The following VAV2 variants were observed in gnomAD, a reference collection of about 807,000 sequenced individuals.
VAV2 encodes the protein vav guanine nucleotide exchange factor 2, also known as guanine nucleotide exchange factor VAV2.
Under a neutral mutation model 132.5 loss-of-function variants are expected in VAV2, and 67 were observed. The observed-to-expected ratio is 0.51, with a 90% CI of 0.42 to 0.62. The LOEUF (loss-of-function observed/expected upper bound fraction) is 0.62. Among genes scored for constraint, VAV2 ranks in the 20% least tolerant of loss-of-function variants. The pLI is 0.00. For missense variants in VAV2, 938 were observed against 1,153.6 expected, an observed-to-expected ratio of 0.81 and a Z score of 2.71; for synonymous variants, 492 against 443.5, an observed-to-expected ratio of 1.11 and a Z score of -1.37.
At chr9:133,815,475 C>G (rs941488242) in intron 4 of VAV2, among the ~76,000 whole-genome samples, 4 of 152,122 alleles carry the variant, frequency 2.6e-5, no homozygotes, top group African/African-American at 9.7e-5. Flanking sequence ...CTTCCCGCCC[C>G]GAGCAACCAC....
intron 4 of VAV2, among the ~76,000 whole-genome samples, chr9:133,820,385 A>G (rs1246124141): frequency 2.7e-5 from 4 of 148,302 alleles, no homozygotes; most frequent in Non-Finnish European, 5.9e-5. Flanking sequence ...GTGCAGTGGC[A>G]CTATCTCGGC....
chr9:133,915,360 G>A (rs995425904), intron 2 of VAV2, among the ~76,000 whole-genome samples: 1 of 152,174 alleles, frequency 6.6e-6, no homozygotes, highest in African/African-American at 2.4e-5. Context: ...ATTTTCAAGG[G>A]GATTCAGCAC....
intron 13 of VAV2, among the ~76,000 whole-genome samples, chr9:133,791,390 T>A (rs1044000989): frequency 1.3e-5 from 2 of 151,506 alleles, no homozygotes; most frequent in Admixed American, 1.3e-4. Context: ...AAGGTGAGGG[T>A]GGGCCAGGGG....
rs1477693600 is a variant in VAV2 at position 133,964,046 on chromosome 9, TATACATATATATACATATATATAA to T, written c.205-24851_205-24828del. 4.7e-4 allele frequency among the ~76,000 whole-genome samples: 41 copies of T among 87,878 alleles called. 4 individuals carry two copies. The highest frequency in any genetic ancestry group is 1.2e-3 in the African/African-American group (31 of 26,746). The allele number at this position is 87,878 out of a possible 152,430, so 57.7% of individuals were successfully genotyped here. A position where few individuals can be genotyped will look rare whatever the true frequency, so the allele number is the denominator to read the frequency against. ...TCATATATATATATATATATATATA[TATACATATATATACATATATATAA>T]ATGAATAGGCCAGGTATGTTGGCTC... On this transcript the variant is annotated intron_variant, in intron 1 of 29. Coordinates refer to ENST00000371850, the MANE Select transcript of VAV2 (RefSeq NM_001134398.2).
chr9:133,840,603 G>T lies in VAV2; in HGVS notation c.381-6263C>A, dbSNP rs116713731. 3.5e-3 allele frequency among the ~76,000 whole-genome samples: 534 copies of T among 152,256 alleles called. 4 individuals are homozygous for T. Among genetic ancestry groups the T allele is most frequent in the African/African-American group, 0.012 (516 of 41,540 alleles). ...ACAGGGGTGCCCAAACCCAAACCCC[G>T]AAGGAAGAGCAGAGGAAACACAGCT... On this transcript the variant is annotated intron_variant, in intron 3 of 29. Transcript: ENST00000371850. The surrounding 1 kb of genome is among the most constrained non-coding windows in gnomAD (Gnocchi z 4.5).
intron 2 of VAV2, among the ~76,000 whole-genome samples, chr9:133,917,899 G>A (rs886199794): frequency 6.6e-6 from 1 of 151,914 alleles, no homozygotes; most frequent in African/African-American, 2.4e-5. Context: ...GGAGACCCTG[G>A]TCCCCCGCCC....
rs1284003966 is a variant in VAV2, at chr9:133,807,374, C to T, written c.667-48G>A. ...TGCCACCCTGCTGCTGTTGCCCACC[C>T]TCTCAAGGTCACAGCTGCCAGGGGA... On this transcript the variant is annotated intron_variant, in intron 7 of 29. Coordinates refer to ENST00000371850, the MANE Select transcript of VAV2 (RefSeq NM_001134398.2). 8 of 1,540,374 alleles carry T rather than the reference C, an allele frequency of 5.2e-6. No individual in the cohort carries two copies. The South Asian group carries it at 8.6e-5, about 17-fold the overall frequency.
chr9:133,946,603 C>A (rs1841368905), intron 1 of VAV2, among the ~76,000 whole-genome samples: 1 of 152,248 alleles, frequency 6.6e-6, no homozygotes, highest in African/African-American at 2.4e-5. Context: ...AGACCGATTG[C>A]ACGCCTGGCT....
intron 3 of VAV2, among the ~76,000 whole-genome samples, chr9:133,859,094 C>CGGAGGGGGTGGCCCGGAG (rs1164134153): frequency 1.1e-4 from 17 of 150,606 alleles, no homozygotes; most frequent in Non-Finnish European, 1.9e-4. Context: ...ACGTGGGGGA[C>CGGAGGGGGTGGCCCGGAG]GGAGGGGGTG....
At chr9:133,944,087 G>A (rs867198807) in intron 1 of VAV2, among the ~76,000 whole-genome samples, 30 of 152,324 alleles carry the variant, frequency 2.0e-4, no homozygotes, top group Middle Eastern at 3.4e-3. Flanking sequence ...AAGCTTCACC[G>A]GCCAAGCTCA....
intron 26 of VAV2, 138 bp from the exon 27 acceptor site, chr9:133,770,639 C>T (rs1046653112): frequency 2.5e-5 from 34 of 1,335,842 alleles, no homozygotes; most frequent in South Asian, 4.4e-5. Flanking sequence ...CCCCACATCC[C>T]GCCAGCCCAT....
rs1840176184 is a variant in VAV2, at chr9:133,918,358, A to T, written c.321+20745T>A. Among the ~76,000 whole-genome samples, 1 of 146,852 alleles carries T rather than the reference A, an allele frequency of 6.8e-6. No homozygotes were observed. The highest frequency in any genetic ancestry group is 6.6e-5 in the Admixed American group (1 of 15,092). On this transcript the variant is annotated intron_variant, in intron 2 of 29. Transcript: ENST00000371850. The surrounding 1 kb of genome is among the most constrained non-coding windows in gnomAD (Gnocchi z 4.7). ...TTGTGTCTGCATTTCCCGCACTTTC[A>T]TCTGCTGGTCCGGACCCAGGCCCAG... is the stretch of plus-strand genomic sequence containing the variant.
At chr9:133,801,609 G>A (rs771063218) in intron 9 of VAV2, among the ~76,000 whole-genome samples, 6 of 152,218 alleles carry the variant, frequency 3.9e-5, no homozygotes, top group Non-Finnish European at 7.3e-5. Context: ...GTGATGGAGA[G>A]GGCCTCGGAC....
At chr9:133,797,833 A>G in intron 9 of VAV2, 24 bp from the exon 10 acceptor site, 1 of 1,608,228 alleles carries the variant, frequency 6.2e-7, no homozygotes. Context: ...ACACACGCAC[A>G]CACGCACACA....
At position 133,769,066 on chromosome 9, in the gene VAV2, A is replaced by C. The variant is rs930723169; in HGVS notation, c.2434+351T>G. On this transcript the variant is annotated intron_variant, in intron 28 of 29. Transcript: ENST00000371850. This position sits in a 1 kb window ranked among gnomAD's most constrained non-coding sequence, Gnocchi z 8.1. ...TGAAAACCCCTCCTCCCTGCACCCA[A>C]GTCCCACAGCTCCTCCTCGTGGCCA... Among the ~76,000 whole-genome samples, 8 of 152,224 alleles carry C rather than the reference A, an allele frequency of 5.3e-5. No homozygotes were observed. The highest frequency in any genetic ancestry group is 1.2e-4 in the Non-Finnish European group (8 of 68,032).
intron 4 of VAV2, among the ~76,000 whole-genome samples, chr9:133,825,255 C>A (rs2131743923): frequency 6.6e-6 from 1 of 152,260 alleles, no homozygotes; most frequent in East Asian, 1.9e-4. Flanking sequence ...TTAAGAAACG[C>A]CCCGTCTTCC....
At chr9:133,827,667 G>A (rs71483211) in intron 4 of VAV2, among the ~76,000 whole-genome samples, 438 of 6,180 alleles carry the variant, frequency 0.071, 82 homozygotes, top group East Asian at 0.32. Context: ...GCGCCCACTG[G>A]GGCTGACCAC....
intron 9 of VAV2, among the ~76,000 whole-genome samples, chr9:133,803,625 G>A (rs527582231): frequency 6.6e-6 from 1 of 152,322 alleles, no homozygotes; most frequent in South Asian, 2.1e-4. Context: ...GAGGACGAAG[G>A]CTGCATTCAT....
At chr9:133,817,670 C>T (rs182920664) in intron 4 of VAV2, among the ~76,000 whole-genome samples, 24 of 152,292 alleles carry the variant, frequency 1.6e-4, no homozygotes, top group African/African-American at 5.5e-4. Flanking sequence ...TCAAGTTCAA[C>T]GACTTTTCCC....
Sources: gnomAD v4.1 joint callset for allele counts (sites outside exome capture counted in the v4.1 genomes callset) on GRCh38, gnomAD v4.1.1 for gene constraint, Gnocchi (gnomAD v3.1) non-coding constraint, MANE v1.5 for transcripts, NCBI Gene and HGNC (gene_info 2026-07-23, HGNC 2026-07-21) for gene names.